PHF3: variants seen among roughly 807,000 people sequenced by gnomAD.
PHF3 encodes the protein PHD finger protein 3.
Under a neutral mutation model 178.4 loss-of-function variants are expected in PHF3, and 41 were observed. That is an observed-to-expected ratio of 0.23 (90% CI 0.18 to 0.30). PHF3 has a LOEUF of 0.30. Ranked by LOEUF, PHF3 falls within the 10% of genes least tolerant of loss-of-function variation. The pLI is 1.00. For synonymous variants in PHF3, 842 were observed against 800.5 expected, an observed-to-expected ratio of 1.05 and a Z score of -0.88; for missense variants, 2,346 against 2,398.1, an observed-to-expected ratio of 0.98 and a Z score of 0.45.
In PHF3 at chr6:63,650,116, T is replaced by C. The variant is rs77656127; in HGVS notation, c.244+3321T>C. Among the ~76,000 whole-genome samples, 291 of 152,352 alleles carry C rather than the reference T, an allele frequency of 1.9e-3. 1 individual carries two copies. The highest frequency in any genetic ancestry group is 5.5e-3 in the African/African-American group (227 of 41,590). On this transcript the variant is annotated intron_variant, in intron 2 of 15. Coordinates refer to ENST00000262043, the MANE Select transcript of PHF3 (RefSeq NM_001370348.2). The stretch of plus-strand genomic sequence containing the variant: ...TTCAGTGGCTGTAAGTTGATATCTT[T>C]AGTTTTTACAATATAGTTCAACATT...
chr6:63,639,025 A>G (rs754063117), intron 1 of PHF3, among the ~76,000 whole-genome samples: 4 of 152,178 alleles, frequency 2.6e-5, no homozygotes, highest in Non-Finnish European at 5.9e-5. Flanking sequence ...TAATCAGTGT[A>G]TTAGAGTTAA....
chr6:63,694,701 A>G lies in PHF3; in HGVS notation c.2617A>G (p.Ser873Gly), dbSNP rs754738365. ...ACCTCGGAGATCCTCAGAAGAAAAA[A>G]GTGAAAAAATACCGAAAGAGTCTAC... Reference protein sequence around the residue: ...VLPRRSSEEKSEKIPKESTTV... With the variant: ...VLPRRSSEEKGEKIPKESTTV... Residue 873 changes from serine to glycine, a missense_variant, in exon 6 of 16, where the codon AGT becomes GGT. Around this residue, in one of 8 missense-constraint regions of PHF3, gnomAD observed 252 missense variants for 232.0 expected, o/e 1.09. Coordinates refer to ENST00000262043, the MANE Select transcript of PHF3 (RefSeq NM_001370348.2). 1 of 1,602,340 alleles carries G rather than the reference A, an allele frequency of 6.2e-7. No individual in the cohort carries two copies. The highest frequency in any genetic ancestry group is 8.5e-7 in the Non-Finnish European group (1 of 1,174,034).
Position 63,684,838 on chromosome 6 carries a change from A to C in PHF3, c.1116A>C (p.Glu372Asp). 6.2e-7 allele frequency: 1 copy of C among 1,613,496 alleles called. No individual in the cohort carries two copies. Among genetic ancestry groups the C allele is most frequent in the South Asian group, 1.1e-5 (1 of 91,050 alleles). The change falls in exon 4 of 16, where the codon GAA (glutamate) becomes GAC (aspartate). Residue 372 changes from glutamate (E) to aspartate (D), a missense_variant. Around this residue, in one of 8 missense-constraint regions of PHF3, gnomAD observed 843 missense variants for 795.2 expected, o/e 1.06. Transcript: ENST00000262043. ...CTAGTTGTGTAGATGAAGTGACTGA[A>C]TGTAATTTGGAATTGAAGGATACCA... ...GLPSCVDEVT[E>D]CNLELKDTMG...
rs1582139965 is a variant in PHF3, at chr6:63,721,215, C to G, written c.*7507C>G. The G allele has an allele frequency of 6.4e-7, 1 of 1,551,692 alleles. No individual in the cohort carries two copies. Among genetic ancestry groups the G allele is most frequent in the Non-Finnish European group, 8.7e-7 (1 of 1,146,914 alleles). On this transcript the variant is annotated 3_prime_UTR_variant, in exon 16 of 16. Coordinates refer to ENST00000262043, the MANE Select transcript of PHF3 (RefSeq NM_001370348.2). The stretch of plus-strand genomic sequence containing the variant: ...ATACCTTCCCACCCAACCCAAAGTA[C>G]ACAGGCAACTGTAAGAAAATGATTG...
chr6:63,694,753 C>T lies in PHF3; in HGVS notation c.2669C>T (p.Ala890Val), dbSNP rs772552135. 19 of 1,491,626 alleles carry T rather than the reference C, an allele frequency of 1.3e-5. No individual in the cohort carries two copies. The highest frequency in any genetic ancestry group is 1.4e-5 in the Non-Finnish European group (16 of 1,120,622). The allele number at this position is 1,491,626 out of a possible 1,614,324, so 92.4% of individuals were successfully genotyped here. ...STTVTCTGEK[A>V]SKPGTHEKQE... The stretch of plus-strand genomic sequence containing the variant: ...ACTGTTACTTGCACAGGAGAAAAAG[C>T]TTCAAAACCAGGTAGTGAGATGAAC... The change falls in exon 6 of 16, where the codon GCT (alanine) becomes GTT (valine). Residue 890 changes from alanine (A) to valine (V), a missense_variant. Physicochemically the swap from Ala to Val is moderately conservative, Grantham distance 64 (BLOSUM62 0). This residue lies in a region of PHF3 where 252 missense variants were observed against 232.0 expected (regional missense o/e 1.09). Transcript: ENST00000262043.
At chr6:63,644,958 G>A (rs1436557539) in intron 1 of PHF3, among the ~76,000 whole-genome samples, 1 of 150,736 alleles carries the variant, frequency 6.6e-6, no homozygotes, top group African/African-American at 2.4e-5. Flanking sequence ...TGATTTCGCT[G>A]CAACCTCCAC....
At chr6:63,699,414 A>G (rs924789809) in intron 8 of PHF3, among the ~76,000 whole-genome samples, 1 of 152,188 alleles carries the variant, frequency 6.6e-6, no homozygotes, top group African/African-American at 2.4e-5. Flanking sequence ...CAACTGATAT[A>G]AATTTGTATA....
intron 2 of PHF3, among the ~76,000 whole-genome samples, chr6:63,679,213 C>T (rs1017699237): frequency 4.0e-5 from 6 of 151,372 alleles, no homozygotes; most frequent in African/African-American, 1.5e-4. Context: ...ATTACTGATA[C>T]ATGTTGGCTA....
chr6:63,721,383 G>T lies in PHF3; in HGVS notation c.*7675G>T. ...TGTACATTCACCTCCATTTCTGCAT[G>T]TGTTGTACCCACAGGCTGTCCCATC... is the stretch of plus-strand genomic sequence containing the variant. On this transcript the variant is annotated 3_prime_UTR_variant, in exon 16 of 16. Coordinates refer to ENST00000262043, the MANE Select transcript of PHF3 (RefSeq NM_001370348.2). 3 of 1,550,576 alleles carry T rather than the reference G, an allele frequency of 1.9e-6. No homozygotes were observed. The highest frequency in any genetic ancestry group is 1.2e-5 in the South Asian group (1 of 84,050).
rs1170386839 is a variant in PHF3 at position 63,725,139 on chromosome 6, T to C, written c.*11431T>C. Among the ~76,000 whole-genome samples the C allele has an allele frequency of 6.6e-6, 1 of 152,160 alleles. No homozygotes were observed. The highest frequency in any genetic ancestry group is 1.5e-5 in the Non-Finnish European group (1 of 67,968). On this transcript the variant is annotated 3_prime_UTR_variant, in exon 16 of 16. Transcript: ENST00000262043. ...TATTTAAAAATTTTCATGATTTTCTTATATAAGTGTCAAATGCAGCATCAA... is the reference window on the plus strand; with the variant it reads ...TATTTAAAAATTTTCATGATTTTCTCATATAAGTGTCAAATGCAGCATCAA...
At chr6:63,640,627 T>G (rs1211476620) in intron 1 of PHF3, among the ~76,000 whole-genome samples, 1 of 152,218 alleles carries the variant, frequency 6.6e-6, no homozygotes, top group African/African-American at 2.4e-5. Flanking sequence ...AGCTCTGTTC[T>G]TCCTGTAGGA....
intron 2 of PHF3, among the ~76,000 whole-genome samples, chr6:63,669,514 A>T (rs180699475): frequency 2.3e-4 from 35 of 152,318 alleles, no homozygotes; most frequent in African/African-American, 8.4e-4. Context: ...CCATTCGTCT[A>T]ATTGTGAGAG....
Position 63,715,251 on chromosome 6 carries a change from T to G in PHF3, c.*1543T>G, listed in dbSNP as rs980083014. The G allele has an allele frequency of 6.6e-6, 1 of 152,184 alleles. No individual in the cohort carries two copies. Among genetic ancestry groups the G allele is most frequent in the African/African-American group, 2.4e-5 (1 of 41,462 alleles). The allele number at this position is 152,184 out of a possible 1,614,324, so 9.4% of individuals were successfully genotyped here. A position where few individuals can be genotyped will look rare whatever the true frequency, so the allele number is the denominator to read the frequency against. ...CCTATCCTTATCCTGTGAAACTTAC[T>G]ATCATAAGGTTCTAAAACAGAGAAC... On this transcript the variant is annotated 3_prime_UTR_variant, in exon 16 of 16. Transcript: ENST00000262043.
In PHF3 at chr6:63,715,741, G is replaced by A. The variant is rs905663287; in HGVS notation, c.*2033G>A. Among the ~76,000 whole-genome samples, 5 of 152,058 alleles carry A rather than the reference G, an allele frequency of 3.3e-5. No individual in the cohort carries two copies. Among genetic ancestry groups the A allele is most frequent in the African/African-American group, 1.2e-4 (5 of 41,434 alleles). On this transcript the variant is annotated 3_prime_UTR_variant, in exon 16 of 16. Coordinates refer to ENST00000262043, the MANE Select transcript of PHF3 (RefSeq NM_001370348.2). ...GAGGCAGATCTTGTAACCGCTGATT[G>A]ACTGAAACATTTTATGGAGAATAGG...
chr6:63,685,743 AAAG>A lies in PHF3; in HGVS notation c.2028_2030del (p.Arg676del), dbSNP rs1295804042. On this transcript the variant is annotated inframe_deletion, in exon 4 of 16. Coordinates refer to ENST00000262043, the MANE Select transcript of PHF3 (RefSeq NM_001370348.2). The stretch of plus-strand genomic sequence containing the variant: ...CCTGAGAAGAACCTACAACCCCGCC[AAAG>A]AAGAAGCAGCAAAAGTTTTTCTTTA... 1.2e-6 allele frequency: 2 copies of A among 1,614,130 alleles called. No homozygotes were observed. Among genetic ancestry groups the A allele is most frequent in the Non-Finnish European group, 1.7e-6 (2 of 1,180,026 alleles).
intron 9 of PHF3, among the ~76,000 whole-genome samples, chr6:63,701,623 A>G (rs371460914): frequency 6.6e-6 from 1 of 152,178 alleles, no homozygotes. Context: ...CTAAACCTCC[A>G]TATAGACCTA....
chr6:63,674,057 A>C (rs1039178955), intron 2 of PHF3, among the ~76,000 whole-genome samples: 2 of 152,070 alleles, frequency 1.3e-5, no homozygotes, highest in Non-Finnish European at 2.9e-5. Context: ...CTTAAGAATT[A>C]ATAGGGAAAT....
Position 63,718,920 on chromosome 6 carries a change from T to A in PHF3, c.*5212T>A, listed in dbSNP as rs573362928. Among the ~76,000 whole-genome samples, 5 of 152,128 alleles carry A rather than the reference T, an allele frequency of 3.3e-5. No homozygotes were observed. In the South Asian group the frequency reaches 1.0e-3, roughly 32 times the overall value. ...GGAATTTCTTCAGAGCATTTATCCT[T>A]ATGATCTGAGTATCTCCAAAGTTAA... is the stretch of plus-strand genomic sequence containing the variant. On this transcript the variant is annotated 3_prime_UTR_variant, in exon 16 of 16. Transcript: ENST00000262043.
chr6:63,698,377 A>G lies in PHF3; in HGVS notation c.2825+10A>G, dbSNP rs371971097. ...ACATTCTTATGAAGAGGTAACATAT[A>G]TTTTTATTATAGAAGTATCAATAAT... On this transcript the variant is annotated intron_variant, in intron 7 of 15. Transcript: ENST00000262043. 1 of 1,595,896 alleles carries G rather than the reference A, an allele frequency of 6.3e-7. No homozygotes were observed. The highest frequency in any genetic ancestry group is 8.6e-7 in the Non-Finnish European group (1 of 1,169,470).
Sources: gnomAD v4.1 joint callset for allele counts (sites outside exome capture counted in the v4.1 genomes callset) on GRCh38, gnomAD v4.1.1 for gene constraint, gnomAD v4.1.1 regional missense constraint, MANE v1.5 for transcripts, NCBI Gene and HGNC (gene_info 2026-07-23, HGNC 2026-07-21) for gene names.